The following NLRP1 variants were observed in gnomAD, a reference collection of about 807,000 sequenced individuals.
The protein encoded by NLRP1 is NLR family pyrin domain containing 1.
A neutral mutation model predicts 136.7 loss-of-function variants in NLRP1; 94 were observed. That is an observed-to-expected ratio of 0.69 (90% CI 0.58 to 0.82). The LOEUF is 0.82. NLRP1 is among the 40% of genes least tolerant of loss of function. The pLI, the probability that NLRP1 is intolerant of heterozygous loss-of-function variation, is 0.00. For missense variants in NLRP1, 1,575 were observed against 1,802.7 expected (o/e 0.87, Z 2.29); for synonymous variants, 690 against 725.1 (o/e 0.95, Z 0.78).
At chr17:5,570,507 A>G (rs9913271) in intron 3 of NLRP1, among the ~76,000 whole-genome samples, 52,106 of 151,900 alleles carry the variant, frequency 0.34, 10,620 homozygotes, top group Non-Finnish European at 0.45. Context: ...AACTAGAAAA[A>G]CCTACAAGAA....
Position 5,582,663 on chromosome 17 carries a change from G to A in NLRP1, c.448+7C>T, listed in dbSNP as rs1205690047. 1 of 1,613,846 alleles carries A rather than the reference G, an allele frequency of 6.2e-7. No homozygotes were observed. Among genetic ancestry groups the A allele is most frequent in the Middle Eastern group, 1.7e-4 (1 of 6,060 alleles). The stretch of plus-strand genomic sequence containing the variant: ...CAGGGCTGTCAGCCTGCCTCAGCAA[G>A]CCTCACCTCTCCAGCGGCGTCCAGA... On this transcript the variant is annotated splice_region_variant and intron_variant, in intron 2 of 16. Transcript: ENST00000572272.
At chr17:5,544,359 G>T (rs1350353811) in intron 5 of NLRP1, among the ~76,000 whole-genome samples, 1 of 152,220 alleles carries the variant, frequency 6.6e-6, no homozygotes, top group Non-Finnish European at 1.5e-5. Flanking sequence ...CACTGATCTA[G>T]ATACCTAATG....
chr17:5,507,354 T>G (rs922976223), intron 15 of NLRP1, among the ~76,000 whole-genome samples: 4 of 152,184 alleles, frequency 2.6e-5, no homozygotes, highest in Admixed American at 6.5e-5. Context: ...GGTCTTCAAA[T>G]TAAGGCCTTC....
intron 5 of NLRP1, among the ~76,000 whole-genome samples, chr17:5,549,217 A>G (rs1913028883): frequency 6.6e-6 from 1 of 150,718 alleles, no homozygotes; most frequent in African/African-American, 2.4e-5. Flanking sequence ...GCTAGTGTAT[A>G]GCAGCACAAC....
At chr17:5,560,833 A>C (rs1459511785) in intron 3 of NLRP1, among the ~76,000 whole-genome samples, 3 of 152,248 alleles carry the variant, frequency 2.0e-5, no homozygotes, top group African/African-American at 7.2e-5. Flanking sequence ...ACCTGCAACC[A>C]AATCCGGTCT....
chr17:5,581,925 G>T lies in NLRP1; in HGVS notation c.586C>A (p.Pro196Thr). ...GTCCCAGGAGCCTCCTGCTCTCTGG[G>T]TGCTAGGCTGGGCTGAGGTGGGGAT... ...WGSPPQPSLA[P>T]REQEAPGTQW... The change falls in exon 3 of 17, where the codon CCC becomes ACC. Residue 196 changes from proline (P) to threonine (T), a missense_variant. Transcript: ENST00000572272. 6.2e-7 allele frequency: 1 copy of T among 1,613,936 alleles called. No homozygotes were observed. The highest frequency in any genetic ancestry group is 8.5e-7 in the Non-Finnish European group (1 of 1,179,978).
Position 5,541,880 on chromosome 17 carries a change from C to T in NLRP1, c.2676G>A (p.Pro892=), listed in dbSNP as rs775814076. 20 of 1,614,006 alleles carry T rather than the reference C, an allele frequency of 1.2e-5. No homozygotes were observed. The highest frequency in any genetic ancestry group is 1.6e-4 in the Middle Eastern group (1 of 6,062). ...ACTGCAGTCGCTGTAGCTTGCAGCTCGGCTGTCTCAGTCTCTGGCAAAGGT... is the reference window on the plus strand; with the variant it reads ...ACTGCAGTCGCTGTAGCTTGCAGCTTGGCTGTCTCAGTCTCTGGCAAAGGT... ...AKHLCQRLRQ[P]SCKLQRLQLV... Residue 892 remains proline (P), a synonymous_variant, in exon 6 of 17, where the codon CCG becomes CCA. Coordinates refer to ENST00000572272, the MANE Select transcript of NLRP1 (RefSeq NM_033004.4). The surrounding 1 kb of genome is among the most constrained non-coding windows in gnomAD (Gnocchi z 4.2).
chr17:5,524,191 G>A (rs1909249805), intron 12 of NLRP1, among the ~76,000 whole-genome samples: 2 of 152,208 alleles, frequency 1.3e-5, no homozygotes, highest in Non-Finnish European at 2.9e-5. Context: ...CCTGGCCACA[G>A]TATAACTATT....
At chr17:5,558,251 G>C in intron 4 of NLRP1, 88 bp downstream of exon 4, 1 of 1,438,214 alleles carries the variant, frequency 7.0e-7, no homozygotes, top group Non-Finnish European at 9.4e-7. Context: ...CCCCCGGCCA[G>C]GCTCAGTGAG....
At chr17:5,512,200 A>T (rs1432886497), downstream of NLRP1, 5 of 1,252,298 alleles carry the variant, frequency 4.0e-6, no homozygotes, top group African/African-American at 1.4e-5. Context: ...TAAATGTTCC[A>T]CAGAGCCATG....
intron 3 of NLRP1, among the ~76,000 whole-genome samples, chr17:5,576,431 T>C (rs1905026250): frequency 6.6e-6 from 1 of 152,078 alleles, no homozygotes; most frequent in South Asian, 2.1e-4. Flanking sequence ...CAATAAGAAA[T>C]GATAAAGGGG....
Position 5,514,939 on chromosome 17 carries a change from A to T in NLRP1, c.4237T>A (p.Tyr1413Asn). The T allele has an allele frequency of 3.1e-6, 5 of 1,614,144 alleles. No homozygotes were observed. The highest frequency in any genetic ancestry group is 4.2e-6 in the Non-Finnish European group (5 of 1,180,018). ...GTGTTCTCAGCCAGCACCCTCTCGT[A>T]CTGCTCCTGGCTCAGCACCTGTCCA... ...LHGQVLSQEQ[Y>N]ERVLAENTRP... The change falls in exon 17 of 17, where the codon TAC becomes AAC. Residue 1413 changes from tyrosine (Y) to asparagine (N), a missense_variant. Tyr to Asn is a moderately radical substitution (Grantham distance 143). Transcript: ENST00000572272.
At chr17:5,569,175 A>C (rs553726733) in intron 3 of NLRP1, among the ~76,000 whole-genome samples, 80 of 152,298 alleles carry the variant, frequency 5.3e-4, no homozygotes, top group Non-Finnish European at 9.9e-4. Context: ...AAAACACACT[A>C]AAGTACACAG....
chr17:5,502,003 A>C (rs1311186040), intron 15 of NLRP1: 1 of 773,734 alleles, frequency 1.3e-6, no homozygotes, highest in Non-Finnish European at 2.2e-6. Flanking sequence ...GCCTCCTGCA[A>C]GTGAAAGGCC....
At chr17:5,567,231 C>A (rs1176249285) in intron 3 of NLRP1, among the ~76,000 whole-genome samples, 1 of 151,888 alleles carries the variant, frequency 6.6e-6, no homozygotes, top group South Asian at 2.1e-4. Context: ...GTTTTGTGAT[C>A]TTCTCTTCTT....
At chr17:5,525,993 T>TTG (rs397688379) in intron 12 of NLRP1, among the ~76,000 whole-genome samples, 1 of 151,722 alleles carries the variant, frequency 6.6e-6, no homozygotes, top group Non-Finnish European at 1.5e-5. Flanking sequence ...TTTTTTTTTT[T>TTG]GAGACAGAGT....
downstream of NLRP1, chr17:5,512,036 GT>G: frequency 1.6e-6 from 1 of 637,144 alleles, no homozygotes; most frequent in Non-Finnish European, 2.9e-6. Context: ...AGTACTAGTT[GT>G]TATCAAAAAT....
Position 5,514,479 on chromosome 17 carries a change from G to T in NLRP1, c.*275C>A, listed in dbSNP as rs2151731824. ...GATCCGGAGGGCTCTAGGCTTGGCT[G>T]CTGTGGCCACCAGATGAGGCTCTAT... is the stretch of plus-strand genomic sequence containing the variant. On this transcript the variant is annotated 3_prime_UTR_variant, in exon 17 of 17. Transcript: ENST00000572272. 6 of 1,312,814 alleles carry T rather than the reference G, an allele frequency of 4.6e-6. No homozygotes were observed. In the South Asian group the frequency reaches 9.8e-5, roughly 22 times the overall value. 81.3% of individuals were successfully genotyped at this position (1,312,814 alleles called of 1,614,324 possible).
At chr17:5,521,966 A>C (rs1310303397) in intron 12 of NLRP1, among the ~76,000 whole-genome samples, 180 bp from the exon 13 acceptor site, 3 of 152,194 alleles carry the variant, frequency 2.0e-5, no homozygotes, top group African/African-American at 7.2e-5. Flanking sequence ...CTGGGATTAC[A>C]GGCGCCTGCC....
Sources: allele counts gnomAD v4.1 joint callset (sites outside exome capture counted in the v4.1 genomes callset), GRCh38; gene constraint gnomAD v4.1.1; non-coding constraint Gnocchi (gnomAD v3.1); transcripts MANE v1.5; gene names NCBI Gene and HGNC (gene_info 2026-07-23, HGNC 2026-07-21).